The following ZNF560 variants were observed in gnomAD, a reference collection of about 807,000 sequenced individuals.
The protein encoded by ZNF560 is zinc finger protein 560.
A neutral mutation model predicts 81.8 loss-of-function variants in ZNF560; 54 were observed. That is an observed-to-expected ratio of 0.66 (90% confidence interval 0.53 to 0.83). The LOEUF (loss-of-function observed/expected upper bound fraction) is 0.83, where lower values mean the gene tolerates loss of function less well. Among genes scored for constraint, ZNF560 ranks in the 40% least tolerant of loss-of-function variants. ZNF560 has a pLI of 0.00. For synonymous variants in ZNF560, 321 were observed against 317.9 expected (o/e 1.01, Z -0.10); for missense variants, 940 against 932.4 (o/e 1.01, Z -0.11).
the ZNF560 span, among the ~76,000 whole-genome samples, chr19:9,449,828 G>T: frequency 2.6e-5 from 4 of 152,076 alleles, no homozygotes; most frequent in Non-Finnish European, 5.9e-5. Flanking sequence ...AATTAGCCAG[G>T]TGTGCCAGTC....
At chr19:9,505,881 C>T in the ZNF560 span, among the ~76,000 whole-genome samples, 1 of 152,154 alleles carries the variant, frequency 6.6e-6, no homozygotes, top group Non-Finnish European at 1.5e-5. Flanking sequence ...CCAGGCTGAT[C>T]TTTAACTCCT....
intron 2 of ZNF560, among the ~76,000 whole-genome samples, chr19:9,475,634 T>A (rs1462075461): frequency 6.9e-6 from 1 of 144,320 alleles, no homozygotes; most frequent in Non-Finnish European, 1.5e-5. Context: ...GGAGATGGAG[T>A]TTCACTCTGT....
intron 3 of ZNF560, among the ~76,000 whole-genome samples, 174 bp from the exon 4 acceptor site, chr19:9,474,499 T>C (rs1426553518): frequency 6.6e-6 from 1 of 152,194 alleles, no homozygotes; most frequent in East Asian, 1.9e-4. Context: ...TCCTTGCTCT[T>C]TCACTACTTA....
At chr19:9,473,384 C>T (rs1568455374) in intron 4 of ZNF560, 125 bp from the exon 5 acceptor site, 1 of 666,522 alleles carries the variant, frequency 1.5e-6, no homozygotes, top group Non-Finnish European at 2.6e-6. Flanking sequence ...AGTTCAAGAT[C>T]AGCCTAAGAT....
chr19:9,471,046 AT>A (rs2073113309), intron 6 of ZNF560, among the ~76,000 whole-genome samples: 1 of 152,220 alleles, frequency 6.6e-6, no homozygotes, highest in East Asian at 1.9e-4. Context: ...TTAAGGAAGA[AT>A]ACAGACAGGA....
At chr19:9,469,308 T>A in intron 8 of ZNF560, 121 bp from the exon 9 acceptor site, 1 of 698,666 alleles carries the variant, frequency 1.4e-6, no homozygotes, top group Non-Finnish European at 2.4e-6. Flanking sequence ...TGGGGTCAAG[T>A]TTTAGTAATT....
intron 2 of ZNF560, among the ~76,000 whole-genome samples, chr19:9,494,629 G>A (rs962935027): frequency 6.0e-5 from 9 of 150,870 alleles, no homozygotes; most frequent in South Asian, 4.2e-4. Flanking sequence ...CCAGCTACTC[G>A]GGAAGATGAG....
the ZNF560 span, among the ~76,000 whole-genome samples, chr19:9,458,265 G>C: frequency 8.8e-6 from 1 of 114,254 alleles, no homozygotes; most frequent in African/African-American, 3.9e-5. Flanking sequence ...TTCCTAACAT[G>C]AAACTGTTTC....
chr19:9,465,129 ATTTTT>A (rs887659069), downstream of ZNF560, among the ~76,000 whole-genome samples: 361 of 129,514 alleles, frequency 2.8e-3, 2 homozygotes, highest in African/African-American at 0.01. Context: ...AAAGCTATTG[ATTTTT>A]TTTTTTTTTT....
the ZNF560 span, among the ~76,000 whole-genome samples, chr19:9,453,860 C>T: frequency 6.6e-6 from 1 of 152,248 alleles, no homozygotes; most frequent in South Asian, 2.1e-4. Flanking sequence ...ATACTCCAAC[C>T]TTCATACAAA....
At chr19:9,473,884 C>T (rs1056681762) in intron 4 of ZNF560, among the ~76,000 whole-genome samples, 1 of 152,140 alleles carries the variant, frequency 6.6e-6, no homozygotes, top group Non-Finnish European at 1.5e-5. Flanking sequence ...AATACAACTA[C>T]ACCAGTGATT....
At chr19:9,502,597 A>G (rs1427385895), upstream of ZNF560, among the ~76,000 whole-genome samples, 2 of 152,208 alleles carry the variant, frequency 1.3e-5, no homozygotes, top group African/African-American at 4.8e-5. Flanking sequence ...TGAATTGACA[A>G]TTCATTGTTG....
intron 2 of ZNF560, among the ~76,000 whole-genome samples, chr19:9,484,627 CAAAA>C: frequency 1.3e-5 from 1 of 79,726 alleles, no homozygotes; most frequent in African/African-American, 3.8e-5. Flanking sequence ...ACCGAAAATA[CAAAA>C]AAAAAAAAAA....
At chr19:9,452,409 CAAAAG>C in the ZNF560 span, among the ~76,000 whole-genome samples, 1 of 151,954 alleles carries the variant, frequency 6.6e-6, no homozygotes, top group Admixed American at 6.6e-5. Context: ...GGTATATACC[CAAAAG>C]AAAATAGATT....
In ZNF560 at chr19:9,467,570, T is replaced by G. The variant is rs370461814; in HGVS notation, c.1377A>C (p.Pro459=). ...GHLRVHNGEK[P]YEHKEYGKAF... is the part of the protein sequence containing the mutation. ...CCTTCCCATATTCCTTATGCTCATATGGCTTCTCTCCATTATGAACTCTCA... is the reference window on the plus strand; with the variant it reads ...CCTTCCCATATTCCTTATGCTCATAGGGCTTCTCTCCATTATGAACTCTCA... Residue 459 remains proline (P), a synonymous_variant, in exon 10 of 10, where the codon CCA becomes CCC. Transcript: ENST00000301480. 2 of 1,614,154 alleles carry G rather than the reference T, an allele frequency of 1.2e-6. No homozygotes were observed. The highest frequency in any genetic ancestry group is 1.1e-5 in the South Asian group (1 of 91,080).
At chr19:9,469,303 T>A (rs2073085985) in intron 8 of ZNF560, 116 bp from the exon 9 acceptor site, 2 of 750,690 alleles carry the variant, frequency 2.7e-6, no homozygotes, top group African/African-American at 3.6e-5. Context: ...TCATATGGGG[T>A]CAAGTTTTAG....
intron 3 of ZNF560, 132 bp downstream of exon 3, chr19:9,475,149 TCAA>T: frequency 1.2e-6 from 1 of 860,748 alleles, no homozygotes; most frequent in South Asian, 1.6e-5. Flanking sequence ...CTGGGGAAAT[TCAA>T]CAAGTGACTC....
rs2073056153 is a variant in ZNF560 at position 9,467,916 on chromosome 19, A to C, written c.1031T>G (p.Ile344Ser). The change falls in exon 10 of 10, where the codon ATT (isoleucine) becomes AGT (serine). Residue 344 changes from isoleucine (I) to serine (S), a missense_variant. Ile to Ser is a moderately radical substitution (Grantham distance 142, BLOSUM62 -2). Transcript: ENST00000301480. ...SHAVNVETHI[I>S]KNPYECKECG... ...TTCCTTACATTCATAGGGGTTTTTA[A>C]TAATGTGTGTTTCAACATTTACAGC... is the stretch of plus-strand genomic sequence containing the variant. 6.2e-7 allele frequency: 1 copy of C among 1,614,054 alleles called. No homozygotes were observed.
intron 2 of ZNF560, among the ~76,000 whole-genome samples, chr19:9,483,527 AG>A (rs1438921711): frequency 7.1e-6 from 1 of 140,640 alleles, no homozygotes; most frequent in Non-Finnish European, 1.5e-5. Context: ...CCCGTCCGGG[AG>A]GGGGGTGGGG....
Sources: allele counts gnomAD v4.1 joint callset (sites outside exome capture counted in the v4.1 genomes callset), GRCh38; gene constraint gnomAD v4.1.1; transcripts MANE v1.5; gene names NCBI Gene and HGNC (gene_info 2026-07-23, HGNC 2026-07-21).